GABRB3: variants seen among roughly 807,000 people sequenced by gnomAD.
GABRB3 encodes gamma-aminobutyric acid receptor subunit beta-3.
GABRB3 carries 14 observed loss-of-function variants against 52.1 expected under a neutral mutation model. The observed-to-expected ratio is 0.27, with a 90% CI of 0.18 to 0.42. GABRB3 has a LOEUF of 0.42. GABRB3 is among the 10% of genes least tolerant of loss of function. The pLI is 1.00. For missense variants in GABRB3, 307 were observed against 609.1 expected (o/e 0.50, Z 5.22); for synonymous variants, 260 against 232.3 (o/e 1.12, Z -1.08).
chr15:26,626,669 T>C (rs1892708857), intron 3 of GABRB3, among the ~76,000 whole-genome samples: 1 of 152,126 alleles, frequency 6.6e-6, no homozygotes, highest in Non-Finnish European at 1.5e-5. Flanking sequence ...TAATCTGGAG[T>C]AAAATCCTGA....
rs142566290 is a variant in GABRB3, at chr15:26,674,058, A to ACC, written c.241-52526_241-52525dup. Among the ~76,000 whole-genome samples the ACC allele has an allele frequency of 6.3e-3, 923 of 147,008 alleles. 12 individuals are homozygous for ACC. Among genetic ancestry groups the ACC allele is most frequent in the African/African-American group, 0.023 (899 of 39,776 alleles). On this transcript the variant is annotated intron_variant, in intron 3 of 8. Transcript: ENST00000311550. The stretch of plus-strand genomic sequence containing the variant: ...ATTCAATCAATCAATCACATATTTA[A>ACC]CCCCCCCCTTTTTTTTTTTAGTATT...
intron 5 of GABRB3, among the ~76,000 whole-genome samples, chr15:26,582,168 G>A (rs1890813330): frequency 6.6e-6 from 1 of 152,170 alleles, no homozygotes; most frequent in Admixed American, 6.5e-5. Context: ...CTCTTCTACA[G>A]CAGATCTTCC....
intron 3 of GABRB3, among the ~76,000 whole-genome samples, chr15:26,670,471 G>C (rs1887862076): frequency 6.6e-6 from 1 of 152,144 alleles, no homozygotes; most frequent in Non-Finnish European, 1.5e-5. Context: ...CCAAGGCGCG[G>C]CTTCGGAGCA....
In GABRB3 at chr15:26,619,416, G is replaced by A. The variant is rs1266944337; in HGVS notation, c.461+1898C>T. The stretch of plus-strand genomic sequence containing the variant: ...CATCATTCTCAGTAAACTACTGCAA[G>A]AACAAAAAACCAAACACCGCATATT... On this transcript the variant is annotated intron_variant, in intron 4 of 8. Coordinates refer to ENST00000311550, the MANE Select transcript of GABRB3 (RefSeq NM_000814.6). 6.0e-5 allele frequency among the ~76,000 whole-genome samples: 9 copies of A among 150,054 alleles called. No individual in the cohort carries two copies. The Admixed American group carries it at 6.1e-4, about 10-fold the overall frequency.
At chr15:26,741,070 G>GTA (rs1890196569) in intron 3 of GABRB3, among the ~76,000 whole-genome samples, 1 of 106,812 alleles carries the variant, frequency 9.4e-6, no homozygotes, top group African/African-American at 2.7e-5. Flanking sequence ...GTGTGTGTGT[G>GTA]TGTGTGTGTG....
intron 3 of GABRB3, among the ~76,000 whole-genome samples, chr15:26,686,947 G>C (rs1417394299): frequency 1.3e-5 from 2 of 152,272 alleles, no homozygotes; most frequent in Non-Finnish European, 2.9e-5. Flanking sequence ...AAACTGACAA[G>C]CTCAGCACAA....
intron 3 of GABRB3, among the ~76,000 whole-genome samples, chr15:26,723,258 C>G (rs1047209433): frequency 1.3e-5 from 2 of 152,162 alleles, no homozygotes; most frequent in African/African-American, 4.8e-5. Context: ...GTGCTTTGAA[C>G]AAGTTATACC....
chr15:26,651,267 A>G (rs1170612925), intron 3 of GABRB3, among the ~76,000 whole-genome samples: 1 of 152,172 alleles, frequency 6.6e-6, no homozygotes, highest in African/African-American at 2.4e-5. Flanking sequence ...TGGATCCCTC[A>G]CCCGCTTGTT....
chr15:26,713,785 AC>A (rs1889381107), intron 3 of GABRB3, among the ~76,000 whole-genome samples: 1 of 152,210 alleles, frequency 6.6e-6, no homozygotes. Context: ...ATCAGGCAGC[AC>A]ACTCCTGTGC....
At chr15:26,714,290 AC>A (rs1889398388) in intron 3 of GABRB3, among the ~76,000 whole-genome samples, 1 of 152,188 alleles carries the variant, frequency 6.6e-6, no homozygotes, top group Admixed American at 6.5e-5. Flanking sequence ...TGCCCCCATA[AC>A]TACTGTGAAC....
chr15:26,558,763 C>T (rs534153555), intron 8 of GABRB3, among the ~76,000 whole-genome samples: 43 of 151,792 alleles, frequency 2.8e-4, no homozygotes, highest in African/African-American at 7.5e-4. Flanking sequence ...ATTAGCTGGG[C>T]GCGGTGGCAG....
intron 3 of GABRB3, among the ~76,000 whole-genome samples, chr15:26,721,861 C>T (rs1883160258): frequency 6.6e-6 from 1 of 151,804 alleles, no homozygotes; most frequent in South Asian, 2.1e-4. Context: ...CTTCATTGCT[C>T]CCAGAGGATG....
In GABRB3 at chr15:26,772,482, C is replaced by T; in HGVS notation, c.173-13G>A. ...CAGACCGGGGGACCTGCGGGAAGCA[C>T]AGGACACGGCGATCAGCCCAGCTCC... is the stretch of plus-strand genomic sequence containing the variant. On this transcript the variant is annotated splice_polypyrimidine_tract_variant and intron_variant, in intron 2 of 8. Coordinates refer to ENST00000311550, the MANE Select transcript of GABRB3 (RefSeq NM_000814.6). The T allele has an allele frequency of 6.2e-7, 1 of 1,609,164 alleles. No individual in the cohort carries two copies. The highest frequency in any genetic ancestry group is 8.5e-7 in the Non-Finnish European group (1 of 1,177,888).
chr15:26,620,076 G>A (rs1270072753), intron 4 of GABRB3, among the ~76,000 whole-genome samples: 1 of 152,126 alleles, frequency 6.6e-6, no homozygotes, highest in Non-Finnish European at 1.5e-5. Context: ...ATAGTCTTTT[G>A]TATAGCTGAT....
chr15:26,773,526 C>A, upstream of GABRB3: 1 of 643,116 alleles, frequency 1.6e-6, no homozygotes, highest in Non-Finnish European at 2.4e-6. Context: ...CCCCGCACGA[C>A]GACCACCGCC....
intron 3 of GABRB3, among the ~76,000 whole-genome samples, chr15:26,762,968 G>A (rs1018238008): frequency 6.6e-6 from 1 of 152,234 alleles, no homozygotes; most frequent in Non-Finnish European, 1.5e-5. Flanking sequence ...ATACCAATGA[G>A]TTAACTGCAG....
At chr15:26,571,746 T>TACCA (rs1890406619) in intron 6 of GABRB3, among the ~76,000 whole-genome samples, 1 of 152,180 alleles carries the variant, frequency 6.6e-6, no homozygotes, top group African/African-American at 2.4e-5. Flanking sequence ...TAAGAAAATA[T>TACCA]ACCATTTTCT....
At chr15:26,611,269 T>A (rs991262086) in intron 4 of GABRB3, among the ~76,000 whole-genome samples, 2 of 152,190 alleles carry the variant, frequency 1.3e-5, no homozygotes, top group African/African-American at 4.8e-5. Flanking sequence ...ATTTAAAACC[T>A]TAAAATTCTT....
At chr15:26,645,120 G>A (rs1893312981) in intron 3 of GABRB3, among the ~76,000 whole-genome samples, 1 of 152,160 alleles carries the variant, frequency 6.6e-6, no homozygotes, top group African/African-American at 2.4e-5. Flanking sequence ...GTGTGCGCCT[G>A]TAGTCCCAGC....
Sources: gnomAD v4.1 joint callset for allele counts (sites outside exome capture counted in the v4.1 genomes callset) on GRCh38, gnomAD v4.1.1 for gene constraint, MANE v1.5 for transcripts, NCBI Gene and HGNC (gene_info 2026-07-23, HGNC 2026-07-21) for gene names.